The following SEC61A2 variants were observed in gnomAD, a reference collection of about 807,000 sequenced individuals.
SEC61A2 encodes protein transport protein Sec61 subunit alpha isoform 2.
SEC61A2 carries 28 observed loss-of-function variants against 59.9 expected under a neutral mutation model. The ratio of observed to expected loss-of-function variants is 0.47; its 90% CI spans 0.35 to 0.64. The LOEUF (loss-of-function observed/expected upper bound fraction) is 0.64, where lower values mean the gene tolerates loss of function less well. SEC61A2 is among the 30% of genes least tolerant of loss of function. The probability of loss-of-function intolerance (pLI) is 0.01; values close to 1 mark genes in which losing one functional copy is unlikely to be tolerated. For synonymous variants in SEC61A2, 202 were observed against 214.4 expected, an observed-to-expected ratio of 0.94 and a Z score of 0.50; for missense variants, 340 against 585.9, an observed-to-expected ratio of 0.58 and a Z score of 4.33.
In SEC61A2 at chr10:12,152,359, C is replaced by T. The variant is rs572738064; in HGVS notation, c.462+2398C>T. On this transcript the variant is annotated intron_variant, in intron 6 of 11. Coordinates refer to ENST00000298428, the MANE Select transcript of SEC61A2 (RefSeq NM_018144.4). This position sits in a 1 kb window ranked among gnomAD's most constrained non-coding sequence, Gnocchi z 5.5. The stretch of plus-strand genomic sequence containing the variant: ...CCTTCCAAAATGCTGGGATTACAGG[C>T]GTGAGCCACCACGCCCCGCCCAGGG... 2.6e-5 allele frequency among the ~76,000 whole-genome samples: 4 copies of T among 151,008 alleles called. No individual in the cohort carries two copies. Among genetic ancestry groups the T allele is most frequent in the Admixed American group, 1.3e-4 (2 of 15,156 alleles).
intron 4 of SEC61A2, among the ~76,000 whole-genome samples, chr10:12,146,745 C>T (rs1045383919): frequency 2.6e-5 from 4 of 151,762 alleles, no homozygotes; most frequent in African/African-American, 7.3e-5. Context: ...GTCTTGATCT[C>T]CTGACCTTGT....
chr10:12,166,680 A>G (rs1188172920), downstream of SEC61A2: 2 of 497,158 alleles, frequency 4.0e-6, no homozygotes, highest in East Asian at 1.2e-4. Context: ...GATGAGAATC[A>G]TCCTGAGAAT....
chr10:12,147,557 C>T (rs554892110), intron 4 of SEC61A2, among the ~76,000 whole-genome samples: 93 of 151,958 alleles, frequency 6.1e-4, no homozygotes, highest in African/African-American at 2.2e-3. Flanking sequence ...TGGTGGCTTA[C>T]GCCAGTAATC....
At chr10:12,146,276 C>A (rs1011601154) in intron 4 of SEC61A2, among the ~76,000 whole-genome samples, 1 of 152,176 alleles carries the variant, frequency 6.6e-6, no homozygotes, top group Non-Finnish European at 1.5e-5. Context: ...CCTTGGCCTC[C>A]CAAAGTGCTG....
Position 12,162,478 on chromosome 10 carries a change from G to A in SEC61A2, c.1244+189G>A. On this transcript the variant is annotated intron_variant, in intron 11 of 11. Coordinates refer to ENST00000298428, the MANE Select transcript of SEC61A2 (RefSeq NM_018144.4). This position sits in a 1 kb window ranked among gnomAD's most constrained non-coding sequence, Gnocchi z 6.1. ...CCTGAATTTTTCATTGAAATTGTGAGCACTGCTCTGCTCATCCCAGTGATA... is the reference window on the plus strand; with the variant it reads ...CCTGAATTTTTCATTGAAATTGTGAACACTGCTCTGCTCATCCCAGTGATA... 1 of 745,596 alleles carries A rather than the reference G, an allele frequency of 1.3e-6. No homozygotes were observed. The allele number at this position is 745,596 out of a possible 1,614,324, so 46.2% of individuals were successfully genotyped here.
chr10:12,130,711 G>GCTTT (rs1341941897), intron 1 of SEC61A2: 4 of 154,372 alleles, frequency 2.6e-5, no homozygotes, highest in Non-Finnish European at 4.4e-5. Flanking sequence ...AGCAATGAAT[G>GCTTT]CTTTCATAAT....
At chr10:12,136,317 A>T (rs1244142253) in intron 3 of SEC61A2, 147 bp downstream of exon 3, 1 of 449,362 alleles carries the variant, frequency 2.2e-6, no homozygotes, top group Non-Finnish European at 3.9e-6. Context: ...TTTATTATTA[A>T]TTTTTTTTTG....
chr10:12,157,012 ATC>A lies in SEC61A2; in HGVS notation c.725_726del (p.Leu242HisfsTer22). ...GCTTTTTATCGGCAGAACTTACCCA[ATC>A]TCATGAACCTCATTGCTACAGTTTT... On this transcript the variant is annotated frameshift_variant, in exon 8 of 12. Coordinates refer to ENST00000298428, the MANE Select transcript of SEC61A2 (RefSeq NM_018144.4). LOFTEE classifies it high-confidence loss of function. 1 of 1,614,120 alleles carries A rather than the reference ATC, an allele frequency of 6.2e-7. No individual in the cohort carries two copies. Among genetic ancestry groups the A allele is most frequent in the East Asian group, 2.2e-5 (1 of 44,878 alleles).
In SEC61A2 at chr10:12,152,286, G is replaced by A. The variant is rs1392471652; in HGVS notation, c.462+2325G>A. ...GTAGAGATGGGATTTTGCCGTGTTGGCCAGGCTGGTCTTGAACTTCTGACC... is the reference window on the plus strand; with the variant it reads ...GTAGAGATGGGATTTTGCCGTGTTGACCAGGCTGGTCTTGAACTTCTGACC... On this transcript the variant is annotated intron_variant, in intron 6 of 11. Transcript: ENST00000298428. This position sits in a 1 kb window ranked among gnomAD's most constrained non-coding sequence, Gnocchi z 5.5. Among the ~76,000 whole-genome samples the A allele has an allele frequency of 6.6e-6, 1 of 151,818 alleles. No homozygotes were observed. Among genetic ancestry groups the A allele is most frequent in the Non-Finnish European group, 1.5e-5 (1 of 67,964 alleles).
chr10:12,169,659 G>A (rs1411290503), downstream of SEC61A2: 1 of 247,380 alleles, frequency 4.0e-6, no homozygotes, highest in Non-Finnish European at 7.7e-6. This position sits in a 1 kb window ranked among gnomAD's most constrained non-coding sequence, Gnocchi z 4.8. Context: ...GAAAGGTGAA[G>A]CAGGAGTGGA....
chr10:12,136,767 T>C (rs556333211), intron 3 of SEC61A2, among the ~76,000 whole-genome samples: 1 of 151,612 alleles, frequency 6.6e-6, no homozygotes, highest in Admixed American at 6.6e-5. Flanking sequence ...GTAGCTGGGA[T>C]TACAGGTGCA....
chr10:12,150,051 C>G (rs1834239314), intron 6 of SEC61A2, 90 bp downstream of exon 6: 1 of 819,254 alleles, frequency 1.2e-6, no homozygotes, highest in African/African-American at 1.7e-5. Context: ...TTGGCTTATT[C>G]ATTTTCTTAC....
chr10:12,157,828 T>C, intron 8 of SEC61A2, 80 bp from the exon 9 acceptor site: 1 of 1,345,596 alleles, frequency 7.4e-7, no homozygotes. Context: ...CCCCGCACTG[T>C]TCTTTGTTTT....
rs577633169 is a variant in SEC61A2 at position 12,153,375 on chromosome 10, A to T, written c.463-2403A>T. Among the ~76,000 whole-genome samples the T allele has an allele frequency of 1.3e-5, 2 of 152,332 alleles. No individual in the cohort carries two copies. Among genetic ancestry groups the T allele is most frequent in the African/African-American group, 4.8e-5 (2 of 41,572 alleles). On this transcript the variant is annotated intron_variant, in intron 6 of 11. Coordinates refer to ENST00000298428, the MANE Select transcript of SEC61A2 (RefSeq NM_018144.4). This position sits in a 1 kb window ranked among gnomAD's most constrained non-coding sequence, Gnocchi z 5.2. ...TTAGAACTGGCATGTAGCTCGTAGA[A>T]CATTATACATCAAGAAAAGCTCTCT...
chr10:12,167,876 T>G (rs1834745309), downstream of SEC61A2: 1 of 1,602,358 alleles, frequency 6.2e-7, no homozygotes, highest in African/African-American at 1.3e-5. Context: ...TCTTATTCAA[T>G]CAGTGTTTGC....
chr10:12,155,289 A>G lies in SEC61A2; in HGVS notation c.463-489A>G, dbSNP rs1289375998. On this transcript the variant is annotated intron_variant, in intron 6 of 11. Coordinates refer to ENST00000298428, the MANE Select transcript of SEC61A2 (RefSeq NM_018144.4). The surrounding 1 kb of genome is among the most constrained non-coding windows in gnomAD (Gnocchi z 4.3). ...TTTATAGAGTATACATATATATAAT[A>G]TATATAATGCTTTTTTCAAAGGATC... The G allele has an allele frequency of 2.1e-6, 3 of 1,460,616 alleles. No individual in the cohort carries two copies. Among genetic ancestry groups the G allele is most frequent in the Non-Finnish European group, 2.7e-6 (3 of 1,092,528 alleles). 90.5% of individuals were successfully genotyped at this position (1,460,616 alleles called of 1,614,324 possible).
chr10:12,146,719 C>T (rs570503832), intron 4 of SEC61A2, among the ~76,000 whole-genome samples: 1 of 152,064 alleles, frequency 6.6e-6, no homozygotes, highest in East Asian at 1.9e-4. Context: ...GGGGTTTCAC[C>T]ATGTTAGCCA....
intron 1 of SEC61A2, among the ~76,000 whole-genome samples, chr10:12,130,976 C>T (rs1833720381): frequency 6.6e-6 from 1 of 152,116 alleles, no homozygotes; most frequent in Admixed American, 6.6e-5. Context: ...TGTTCGAGAC[C>T]AGCCTGGCCA....
intron 6 of SEC61A2, among the ~76,000 whole-genome samples, chr10:12,150,932 G>T (rs563419370): frequency 6.6e-6 from 1 of 152,018 alleles, no homozygotes. Context: ...CTGCCACCAC[G>T]CCCAGCTAAT....
Sources: gnomAD v4.1 joint callset for allele counts (sites outside exome capture counted in the v4.1 genomes callset) on GRCh38, gnomAD v4.1.1 for gene constraint, Gnocchi (gnomAD v3.1) non-coding constraint, MANE v1.5 for transcripts, NCBI Gene and HGNC (gene_info 2026-07-23, HGNC 2026-07-21) for gene names.